SLC35F4: variants seen among roughly 807,000 people sequenced by gnomAD.
The protein encoded by SLC35F4 is solute carrier family 35 member F4.
SLC35F4 carries 24 observed loss-of-function variants against 44.2 expected under a neutral mutation model. That is an observed-to-expected ratio of 0.54 (90% CI 0.39 to 0.76). SLC35F4 has a LOEUF of 0.76. SLC35F4 is among the 30% of genes least tolerant of loss of function. The probability of loss-of-function intolerance (pLI) is 0.00; values close to 1 mark genes in which losing one functional copy is unlikely to be tolerated. For synonymous variants in SLC35F4, 238 were observed against 223.6 expected, an observed-to-expected ratio of 1.06 and a Z score of -0.57; for missense variants, 562 against 586.1, an observed-to-expected ratio of 0.96 and a Z score of 0.42.
intron 4 of SLC35F4, chr14:57,578,705 T>TACA (rs1460205315): frequency 6.6e-6 from 1 of 152,196 alleles, no homozygotes; most frequent in Admixed American, 6.5e-5. Context: ...GAAAAATATT[T>TACA]GATTTTTACA....
intron 1 of SLC35F4, among the ~76,000 whole-genome samples, chr14:57,822,813 C>T (rs1883316475): frequency 6.6e-6 from 1 of 152,084 alleles, no homozygotes; most frequent in Admixed American, 6.6e-5. Context: ...TTTTCTCCAC[C>T]ACTCTTGTGG....
chr14:57,610,173 T>A (rs1053952588), intron 1 of SLC35F4, among the ~76,000 whole-genome samples: 3 of 152,144 alleles, frequency 2.0e-5, no homozygotes, highest in African/African-American at 7.2e-5. Flanking sequence ...ACAAAGAGGG[T>A]GAAGACTAAG....
chr14:57,869,376 A>G (rs370663295), upstream of SLC35F4, among the ~76,000 whole-genome samples: 16 of 152,150 alleles, frequency 1.1e-4, no homozygotes, highest in African/African-American at 3.4e-4. Flanking sequence ...ATATCAGTCT[A>G]TACACTTTGG....
At chr14:57,642,553 C>A (rs1033570838) in intron 1 of SLC35F4, among the ~76,000 whole-genome samples, 1 of 151,760 alleles carries the variant, frequency 6.6e-6, no homozygotes, top group African/African-American at 2.4e-5. Flanking sequence ...TGAAACAAAA[C>A]TTCTTATCTA....
At chr14:57,945,155 T>A (rs1409995627) in intron 1 of SLC35F4, among the ~76,000 whole-genome samples, 3 of 152,164 alleles carry the variant, frequency 2.0e-5, no homozygotes, top group African/African-American at 7.2e-5. Context: ...CATTTTCTTT[T>A]AAAGAGCCTC....
At chr14:57,854,926 T>C (rs1886940958) in intron 1 of SLC35F4, among the ~76,000 whole-genome samples, 1 of 152,218 alleles carries the variant, frequency 6.6e-6, no homozygotes, top group South Asian at 2.1e-4. Flanking sequence ...TATACTTGTG[T>C]TTAAATTGCT....
chr14:57,711,702 A>G (rs909165113), intron 1 of SLC35F4, among the ~76,000 whole-genome samples: 2 of 152,198 alleles, frequency 1.3e-5, no homozygotes, highest in African/African-American at 4.8e-5. Context: ...TATAAGGGTC[A>G]CATGTACACA....
intron 1 of SLC35F4, among the ~76,000 whole-genome samples, chr14:57,925,500 AGGGAGGGAGGGAGGG>A (rs1889542986): frequency 3.9e-4 from 17 of 43,596 alleles, no homozygotes; most frequent in South Asian, 8.1e-4. Context: ...GAAGGAAGGG[AGGGAGGGAGGGAGGG>A]AGGGAGGGAG....
chr14:57,888,720 A>T (rs2141037540), intron 1 of SLC35F4, among the ~76,000 whole-genome samples: 1 of 152,352 alleles, frequency 6.6e-6, no homozygotes, highest in South Asian at 2.1e-4. Context: ...AAGAAAAACA[A>T]GAAAGTCACT....
At chr14:57,779,783 T>C (rs2077573521) in intron 1 of SLC35F4, among the ~76,000 whole-genome samples, 1 of 151,936 alleles carries the variant, frequency 6.6e-6, no homozygotes, top group African/African-American at 2.4e-5. Flanking sequence ...TCAACACCAA[T>C]AAAATCGATA....
intron 1 of SLC35F4, among the ~76,000 whole-genome samples, chr14:57,760,725 A>T (rs2077103644): frequency 6.6e-6 from 1 of 152,194 alleles, no homozygotes; most frequent in Non-Finnish European, 1.5e-5. Context: ...GATCCTAATG[A>T]ATATTCTCCC....
At chr14:57,623,670 A>G (rs901885591) in intron 1 of SLC35F4, among the ~76,000 whole-genome samples, 3 of 152,336 alleles carry the variant, frequency 2.0e-5, no homozygotes, top group South Asian at 4.1e-4. Flanking sequence ...ACACAACTAC[A>G]TGGAAACTGA....
intron 1 of SLC35F4, among the ~76,000 whole-genome samples, chr14:57,797,749 AC>A (rs1380058079): frequency 6.6e-6 from 1 of 152,084 alleles, no homozygotes; most frequent in African/African-American, 2.4e-5. Context: ...AAAACATGAA[AC>A]ACTGGGTGAT....
At chr14:57,953,227 A>G (rs1337084966) in intron 1 of SLC35F4, among the ~76,000 whole-genome samples, 2 of 152,240 alleles carry the variant, frequency 1.3e-5, no homozygotes, top group East Asian at 1.9e-4. Flanking sequence ...CAGACAAGCA[A>G]ATGCTAAGAG....
intron 1 of SLC35F4, among the ~76,000 whole-genome samples, chr14:57,750,225 T>C (rs2076852167): frequency 6.6e-6 from 1 of 152,176 alleles, no homozygotes; most frequent in East Asian, 1.9e-4. Flanking sequence ...GATTTCATTC[T>C]TTTTTTTAGT....
At chr14:57,673,686 G>A (rs778852118) in intron 1 of SLC35F4, among the ~76,000 whole-genome samples, 2 of 151,964 alleles carry the variant, frequency 1.3e-5, no homozygotes, top group Admixed American at 6.6e-5. Context: ...CAGGTTTGGT[G>A]GGGGTGGGAG....
rs150832590 is a variant in SLC35F4, at chr14:57,663,589, C to G, written c.104-69465G>C. Among the ~76,000 whole-genome samples the G allele has an allele frequency of 5.3e-5, 8 of 152,318 alleles. No individual in the cohort carries two copies. The East Asian group carries it at 1.2e-3, about 22-fold the overall frequency. Reference sequence around the variant, plus strand: ...AGAGCCAGCATGAAGTTGCACACATCTGATACCTCGACACAATTGCTCATA... The same window carrying G: ...AGAGCCAGCATGAAGTTGCACACATGTGATACCTCGACACAATTGCTCATA... On this transcript the variant is annotated intron_variant, in intron 1 of 7. Coordinates refer to ENST00000556826, the MANE Select transcript of SLC35F4 (RefSeq NM_001306087.2).
intron 1 of SLC35F4, among the ~76,000 whole-genome samples, chr14:57,908,768 G>A (rs762097159): frequency 6.6e-6 from 1 of 152,176 alleles, no homozygotes; most frequent in Non-Finnish European, 1.5e-5. Flanking sequence ...CCTTTGCTGT[G>A]CAGAAGCTCT....
chr14:57,641,348 A>G (rs550609974), intron 1 of SLC35F4, among the ~76,000 whole-genome samples: 3 of 152,116 alleles, frequency 2.0e-5, no homozygotes, highest in Admixed American at 2.0e-4. Context: ...ACAGCCCCAG[A>G]ATAAGATTGC....
Sources: gnomAD v4.1 joint callset for allele counts (sites outside exome capture counted in the v4.1 genomes callset) on GRCh38, gnomAD v4.1.1 for gene constraint, MANE v1.5 for transcripts, NCBI Gene and HGNC (gene_info 2026-07-23, HGNC 2026-07-21) for gene names.